C6orf15: variants seen among roughly 807,000 people sequenced by gnomAD.
The protein encoded by C6orf15 is uncharacterized protein C6orf15.
A neutral mutation model predicts 2.8 loss-of-function variants in C6orf15; 5 were observed. That is an observed-to-expected ratio of 1.80 (90% CI 0.94 to 3.78). The LOEUF (loss-of-function observed/expected upper bound fraction) is 3.78, where lower values mean the gene tolerates loss of function less well. Among genes scored for constraint, C6orf15 ranks in the 30% most tolerant of loss-of-function variants. The pLI is 0.00. For missense variants in C6orf15, 363 were observed against 418.8 expected (o/e 0.87, Z 1.16); for synonymous variants, 145 against 163.2 (o/e 0.89, Z 0.85).
At position 31,111,965 on chromosome 6, in the gene C6orf15, G is replaced by A. The variant is rs1158451947; in HGVS notation, c.394C>T (p.Pro132Ser). The A allele has an allele frequency of 6.2e-7, 1 of 1,613,150 alleles. No individual in the cohort carries two copies. The highest frequency in any genetic ancestry group is 8.5e-7 in the Non-Finnish European group (1 of 1,179,994). The change falls in exon 2 of 2, where the codon CCT (proline) becomes TCT (serine). Residue 132 changes from proline to serine, a missense_variant. By Grantham distance (74) the Pro-to-Ser change is moderately conservative. Coordinates refer to ENST00000259870, the MANE Select transcript of C6orf15 (RefSeq NM_014070.3). ...CTGGAGAGGTAAGAGAGTTCTTCAGGCAGCGCTTCCCCCAGGCGGTCCTCA... is the reference window on the plus strand; with the variant it reads ...CTGGAGAGGTAAGAGAGTTCTTCAGACAGCGCTTCCCCCAGGCGGTCCTCA... ...AAEDRLGEAL[P>S]EELSYLSSAA...
chr6:31,111,779 G>A lies in C6orf15; in HGVS notation c.580C>T (p.Arg194Cys), dbSNP rs139294392. The change falls in exon 2 of 2, where the codon CGC becomes TGC. Residue 194 changes from arginine (R) to cysteine (C), a missense_variant. Arg to Cys is a radical substitution (Grantham distance 180). Coordinates refer to ENST00000259870, the MANE Select transcript of C6orf15 (RefSeq NM_014070.3). ...CTGTGGATGAGAGACCAGGGAGGGC[G>A]TTGGGAAAGGATTTTTCCCCCGGCT... is the stretch of plus-strand genomic sequence containing the variant. ...LGAGGKILSQRPPWSLIHRVL... is the reference protein window; with the variant it reads ...LGAGGKILSQCPPWSLIHRVL... 14 of 1,612,888 alleles carry A rather than the reference G, an allele frequency of 8.7e-6. No homozygotes were observed. Among genetic ancestry groups the A allele is most frequent in the South Asian group, 4.4e-5 (4 of 91,068 alleles).
chr6:31,111,887 C>A lies in C6orf15; in HGVS notation c.472G>T (p.Asp158Tyr). The A allele has an allele frequency of 1.2e-6, 2 of 1,612,774 alleles. No individual in the cohort carries two copies. Among genetic ancestry groups the A allele is most frequent in the East Asian group, 2.2e-5 (1 of 44,878 alleles). The change falls in exon 2 of 2, where the codon GAT becomes TAT. Residue 158 changes from aspartate (D) to tyrosine (Y), a missense_variant. By Grantham distance (160) the Asp-to-Tyr change is radical (BLOSUM62 -3). Transcript: ENST00000259870. ...GCCTTGGGTGAGAGGCCTGTGGCAT[C>A]GGGAGAAGACTCCCCAGGCAAAGGG... is the stretch of plus-strand genomic sequence containing the variant. ...SGPLPGESSP[D>Y]ATGLSPKASL... is the part of the protein sequence containing the mutation.
chr6:31,111,611 A>C lies in C6orf15; in HGVS notation c.748T>G (p.Trp250Gly), dbSNP rs766078251. The C allele has an allele frequency of 6.2e-7, 1 of 1,612,912 alleles. No individual in the cohort carries two copies. The highest frequency in any genetic ancestry group is 1.1e-5 in the South Asian group (1 of 91,080). The change falls in exon 2 of 2, where the codon TGG (tryptophan) becomes GGG (glycine). Residue 250 changes from tryptophan (W) to glycine (G), a missense_variant. Physicochemically the swap from Trp to Gly is radical, Grantham distance 184 (BLOSUM62 -2). Transcript: ENST00000259870. ...CCTGGATACCGATTAATATTTCCCC[A>C]GCTGGTACCTGGGGGTTGATTATTG... is the stretch of plus-strand genomic sequence containing the variant. ...GINNQPPGTS[W>G]GNINRYPGGS...
Position 31,111,715 on chromosome 6 carries a change from C to G in C6orf15, c.644G>C (p.Ser215Thr). ...PDHPWGTLNP[S>T]VSWGGGGPGT... The stretch of plus-strand genomic sequence containing the variant: ...AGGGCCTCCACCTCCCCAGGACACA[C>G]TGGGATTCAGGGTACCCCAGGGGTG... The change falls in exon 2 of 2, where the codon AGT becomes ACT. Residue 215 changes from serine to threonine, a missense_variant. Physicochemically the swap from Ser to Thr is moderately conservative, Grantham distance 58. Transcript: ENST00000259870. 6.2e-7 allele frequency: 1 copy of G among 1,607,930 alleles called. No individual in the cohort carries two copies. The highest frequency in any genetic ancestry group is 1.1e-5 in the South Asian group (1 of 90,788).
rs1448199769 is a variant in C6orf15 at position 31,111,931 on chromosome 6, G to GC, written c.427dup (p.Ala143GlyfsTer40). On this transcript the variant is annotated frameshift_variant, in exon 2 of 2. Coordinates refer to ENST00000259870, the MANE Select transcript of C6orf15 (RefSeq NM_014070.3). LOFTEE classifies it low-confidence loss of function (END_TRUNC). ...CAAAGGGCCACTGCCCGGAGCGAGGGCCGCAGCACTGGAGAGGTAAGAGAG... is the reference window on the plus strand; with the variant it reads ...CAAAGGGCCACTGCCCGGAGCGAGGGCCCGCAGCACTGGAGAGGTAAGAGAG... 6.2e-7 allele frequency: 1 copy of GC among 1,613,002 alleles called. No homozygotes were observed. The highest frequency in any genetic ancestry group is 1.1e-5 in the South Asian group (1 of 91,082).
At position 31,112,305 on chromosome 6, in the gene C6orf15, A is replaced by C; in HGVS notation, c.68-14T>G. On this transcript the variant is annotated splice_polypyrimidine_tract_variant and intron_variant, in intron 1 of 1. Transcript: ENST00000259870. The stretch of plus-strand genomic sequence containing the variant: ...GGGCAAAGAGGCCTGAGGGAAAGGG[A>C]AGATAAAGCAACCAGTGGTCTCCAG... 3 of 1,596,906 alleles carry C rather than the reference A, an allele frequency of 1.9e-6. No individual in the cohort carries two copies. The highest frequency in any genetic ancestry group is 2.6e-6 in the Non-Finnish European group (3 of 1,171,748).
At position 31,112,131 on chromosome 6, in the gene C6orf15, A is replaced by G; in HGVS notation, c.228T>C (p.Pro76=). The G allele has an allele frequency of 6.2e-7, 1 of 1,614,114 alleles. No individual in the cohort carries two copies. The highest frequency in any genetic ancestry group is 8.5e-7 in the Non-Finnish European group (1 of 1,179,988). The change falls in exon 2 of 2, where the codon CCT becomes CCC. Residue 76 remains proline, a synonymous_variant. Coordinates refer to ENST00000259870, the MANE Select transcript of C6orf15 (RefSeq NM_014070.3). ...DPRSNDLARV[P]LKLSVPASDG... ...CTGATGCAGGCACGCTGAGCTTCAG[A>G]GGAACCCTTGCCAAGTCATTAGACC... is the stretch of plus-strand genomic sequence containing the variant.
rs1771765981 is a variant in C6orf15, at chr6:31,111,385, C to T, written c.974G>A (p.Gly325Asp). 6.3e-7 allele frequency: 1 copy of T among 1,595,458 alleles called. No homozygotes were observed. The highest frequency in any genetic ancestry group is 8.6e-7 in the Non-Finnish European group (1 of 1,167,600). The change falls in exon 2 of 2, where the codon GGC (glycine) becomes GAC (aspartate). Residue 325 changes from glycine (G) to aspartate (D), a missense_variant. By Grantham distance (94) the Gly-to-Asp change is moderately conservative. Transcript: ENST00000259870. The stretch of plus-strand genomic sequence containing the variant: ...TGGGTTTCCCTCTATCGTGCTCTAG[C>T]CCCACTGCAACCTAGGGCTTGGAGG... ...PNPPSPRLQW[G>D]
At position 31,111,368 on chromosome 6, in the gene C6orf15, CCTCTATCGTG is replaced by C; in HGVS notation, c.*3_*12del. 1 of 1,568,920 alleles carries C rather than the reference CCTCTATCGTG, an allele frequency of 6.4e-7. No individual in the cohort carries two copies. ...ACTCTAACTCCCAATGTTGGGTTTC[CCTCTATCGTG>C]CTCTAGCCCCACTGCAACCTAGGGC... On this transcript the variant is annotated 3_prime_UTR_variant, in exon 2 of 2. Coordinates refer to ENST00000259870, the MANE Select transcript of C6orf15 (RefSeq NM_014070.3).
rs2233974 is a variant in C6orf15 at position 31,112,239 on chromosome 6, C to A, written c.120G>T (p.Leu40Phe). ...GVVEEKVSQN[L>F]GTNLPQLGQP... ...GTCCGAGCTGAGGCAAGTTGGTCCC[C>A]AAGTTTTGGGAAACTTTCTCCTCCA... The change falls in exon 2 of 2, where the codon TTG becomes TTT. Residue 40 changes from leucine to phenylalanine, a missense_variant. By Grantham distance (22) the Leu-to-Phe change is conservative. Transcript: ENST00000259870. 33 of 1,613,720 alleles carry A rather than the reference C, an allele frequency of 2.0e-5. No homozygotes were observed. Among genetic ancestry groups the A allele is most frequent in the Non-Finnish European group, 2.8e-5 (33 of 1,179,906 alleles).
rs2150951608 is a variant in C6orf15, at chr6:31,111,701, C to T, written c.658G>A (p.Gly220Ser). The change falls in exon 2 of 2, where the codon GGT becomes AGT. Residue 220 changes from glycine (G) to serine (S), a missense_variant. Transcript: ENST00000259870. ...CCCCAACCAGTCCCAGGGCCTCCAC[C>T]TCCCCAGGACACACTGGGATTCAGG... is the stretch of plus-strand genomic sequence containing the variant. ...GTLNPSVSWG[G>S]GGPGTGWGTR... 1.2e-6 allele frequency: 2 copies of T among 1,607,056 alleles called. No individual in the cohort carries two copies. The highest frequency in any genetic ancestry group is 1.7e-6 in the Non-Finnish European group (2 of 1,175,534).
rs1233299158 is a variant in C6orf15 at position 31,111,241 on chromosome 6, T to C, written c.*140A>G. ...AAGCAAATTCCATAAGTGCTTTTAT[T>C]TTATTGGAGATGAGCAGGGGAGGCA... On this transcript the variant is annotated 3_prime_UTR_variant, in exon 2 of 2. Transcript: ENST00000259870. 4 of 738,054 alleles carry C rather than the reference T, an allele frequency of 5.4e-6. No homozygotes were observed. The highest frequency in any genetic ancestry group is 8.6e-6 in the Non-Finnish European group (4 of 464,664). The allele number at this position is 738,054 out of a possible 1,614,324, so 45.7% of individuals were successfully genotyped here. A position where few individuals can be genotyped will look rare whatever the true frequency, so the allele number is the denominator to read the frequency against.
At position 31,111,467 on chromosome 6, in the gene C6orf15, G is replaced by C. The variant is rs765001170; in HGVS notation, c.892C>G (p.Pro298Ala). 5.6e-6 allele frequency: 9 copies of C among 1,612,836 alleles called. No individual in the cohort carries two copies. Among genetic ancestry groups the C allele is most frequent in the Admixed American group, 1.7e-5 (1 of 60,012 alleles). ...LYPGINNPFP[P>A]GVLRPPGSSW... ...GAGCCAGGAGGGCGGAGGACTCCAGGAGGAAATGGGTTATTGATACCTGGG... is the reference window on the plus strand; with the variant it reads ...GAGCCAGGAGGGCGGAGGACTCCAGCAGGAAATGGGTTATTGATACCTGGG... The change falls in exon 2 of 2, where the codon CCT becomes GCT. Residue 298 changes from proline (P) to alanine (A), a missense_variant. Transcript: ENST00000259870.
In C6orf15 at chr6:31,111,805, C is replaced by T. The variant is rs747996356; in HGVS notation, c.554G>A (p.Gly185Glu). 1.2e-6 allele frequency: 2 copies of T among 1,612,862 alleles called. No homozygotes were observed. Among genetic ancestry groups the T allele is most frequent in the South Asian group, 1.1e-5 (1 of 91,068 alleles). The change falls in exon 2 of 2, where the codon GGA becomes GAA. Residue 185 changes from glycine to glutamate, a missense_variant. Physicochemically the swap from Gly to Glu is moderately conservative, Grantham distance 98 (BLOSUM62 -2). Transcript: ENST00000259870. The part of the protein sequence containing the change: ...SRRLPRSNSL[G>E]AGGKILSQRP... The stretch of plus-strand genomic sequence containing the variant: ...TTGGGAAAGGATTTTTCCCCCGGCT[C>T]CCAGTGAATTAGAACGGGGCAGTCG...
rs750817574 is a variant in C6orf15 at position 31,112,529 on chromosome 6, G to A, written c.27C>T (p.Cys9=). The stretch of plus-strand genomic sequence containing the variant: ...AGACCAGGAGCAGGCCCAGAGGAGC[G>A]CAGCTCCCTGCCACGCGGCCCTGCA... MQGRVAGS[C]APLGLLLVCL... is the part of the protein sequence containing the mutation. The change falls in exon 1 of 2, where the codon TGC becomes TGT. Residue 9 remains cysteine, a synonymous_variant. Coordinates refer to ENST00000259870, the MANE Select transcript of C6orf15 (RefSeq NM_014070.3). 31 of 1,550,572 alleles carry A rather than the reference G, an allele frequency of 2.0e-5. No homozygotes were observed. The highest frequency in any genetic ancestry group is 1.1e-4 in the South Asian group (9 of 83,944).
Position 31,111,778 on chromosome 6 carries a change from C to G in C6orf15, c.581G>C (p.Arg194Pro), listed in dbSNP as rs758635884. 3.1e-6 allele frequency: 5 copies of G among 1,612,836 alleles called. No homozygotes were observed. Among genetic ancestry groups the G allele is most frequent in the Non-Finnish European group, 4.2e-6 (5 of 1,179,932 alleles). ...LGAGGKILSQ[R>P]PPWSLIHRVL... ...CCTGTGGATGAGAGACCAGGGAGGG[C>G]GTTGGGAAAGGATTTTTCCCCCGGC... is the stretch of plus-strand genomic sequence containing the variant. The change falls in exon 2 of 2, where the codon CGC (arginine) becomes CCC (proline). Residue 194 changes from arginine (R) to proline (P), a missense_variant. Transcript: ENST00000259870.
In C6orf15 at chr6:31,111,672, C is replaced by T. The variant is rs200262846; in HGVS notation, c.687G>A (p.Thr229=). ...TTCCCTCAGGGTGTGGCATGGGCCTCGTTCCCCAACCAGTCCCAGGGCCTC... is the reference window on the plus strand; with the variant it reads ...TTCCCTCAGGGTGTGGCATGGGCCTTGTTCCCCAACCAGTCCCAGGGCCTC... ...GGGGPGTGWG[T]RPMPHPEGIW... Residue 229 remains threonine (T), a synonymous_variant, in exon 2 of 2, where the codon ACG becomes ACA. Transcript: ENST00000259870. 31 of 1,610,816 alleles carry T rather than the reference C, an allele frequency of 1.9e-5. No individual in the cohort carries two copies. Among genetic ancestry groups the T allele is most frequent in the Non-Finnish European group, 2.4e-5 (28 of 1,178,432 alleles).
At position 31,111,759 on chromosome 6, in the gene C6orf15, G is replaced by A. The variant is rs1771793195; in HGVS notation, c.600C>T (p.Ile200=). The part of the protein sequence containing the change: ...ILSQRPPWSL[I]HRVLPDHPWG... ...AGGGGTGATCAGGCAGAACCCTGTGGATGAGAGACCAGGGAGGGCGTTGGG... is the reference window on the plus strand; with the variant it reads ...AGGGGTGATCAGGCAGAACCCTGTGAATGAGAGACCAGGGAGGGCGTTGGG... Residue 200 remains isoleucine (I), a synonymous_variant, in exon 2 of 2, where the codon ATC becomes ATT. Coordinates refer to ENST00000259870, the MANE Select transcript of C6orf15 (RefSeq NM_014070.3). 6.2e-7 allele frequency: 1 copy of A among 1,612,678 alleles called. No individual in the cohort carries two copies. Among genetic ancestry groups the A allele is most frequent in the African/African-American group, 1.3e-5 (1 of 74,890 alleles).
chr6:31,111,844 T>C lies in C6orf15; in HGVS notation c.515A>G (p.Asp172Gly). 6.2e-7 allele frequency: 1 copy of C among 1,612,550 alleles called. No individual in the cohort carries two copies. The highest frequency in any genetic ancestry group is 8.5e-7 in the Non-Finnish European group (1 of 1,179,692). ...LSPKASLLHQ[D>G]SESRRLPRSN... Reference sequence around the variant, plus strand: ...ACGGGGCAGTCGTCTGGACTCCGAGTCCTGGTGGAGGAGTGAAGCCTTGGG... The same window carrying C: ...ACGGGGCAGTCGTCTGGACTCCGAGCCCTGGTGGAGGAGTGAAGCCTTGGG... Residue 172 changes from aspartate to glycine, a missense_variant, in exon 2 of 2, where the codon GAC becomes GGC. By Grantham distance (94) the Asp-to-Gly change is moderately conservative. Transcript: ENST00000259870.
Sources: allele counts gnomAD v4.1 joint callset, GRCh38; gene constraint gnomAD v4.1.1; transcripts MANE v1.5; gene names NCBI Gene and HGNC (gene_info 2026-07-23, HGNC 2026-07-21).